Variants in CDH18 observed in about 807,000 individuals in gnomAD.
CDH18 encodes the protein cadherin-18.
A neutral mutation model predicts 67.9 loss-of-function variants in CDH18; 31 were observed. The observed-to-expected ratio is 0.46, with a 90% CI of 0.34 to 0.62. CDH18 has a LOEUF of 0.62. CDH18 is among the 20% of genes least tolerant of loss of function. The pLI is 0.01. For synonymous variants in CDH18, 362 were observed against 347.2 expected (o/e 1.04, Z -0.48); for missense variants, 890 against 975.5 (o/e 0.91, Z 1.17).
In CDH18 at chr5:19,482,406, G is replaced by A. The variant is rs57568927; in HGVS notation, c.1882+895C>T. Reference sequence around the variant, plus strand: ...GCTGGGATTACAGGCGTGAGCCACCGCACCTGGCCAAAAATTATTGTTTTT... The same window carrying A: ...GCTGGGATTACAGGCGTGAGCCACCACACCTGGCCAAAAATTATTGTTTTT... On this transcript the variant is annotated intron_variant, in intron 12 of 12. Transcript: ENST00000382275. Among the ~76,000 whole-genome samples, 953 of 152,128 alleles carry A rather than the reference G, an allele frequency of 6.3e-3. 6 individuals are homozygous for A. Among genetic ancestry groups the A allele is most frequent in the African/African-American group, 0.022 (914 of 41,508 alleles).
chr5:20,484,506 T>C (rs114820403), intron 1 of CDH18, among the ~76,000 whole-genome samples: 6,329 of 152,116 alleles, frequency 0.042, 433 homozygotes, highest in African/African-American at 0.15. Flanking sequence ...CTATTCACCA[T>C]AGCCAAGATT....
At chr5:19,481,458 G>A (rs373085465) in intron 12 of CDH18, among the ~76,000 whole-genome samples, 10 of 152,054 alleles carry the variant, frequency 6.6e-5, no homozygotes, top group Non-Finnish European at 1.2e-4. Context: ...GTACTGTGTC[G>A]AAGGGAGACA....
chr5:20,037,297 T>C (rs1335794996), intron 2 of CDH18, among the ~76,000 whole-genome samples: 1 of 151,994 alleles, frequency 6.6e-6, no homozygotes, highest in African/African-American at 2.4e-5. Flanking sequence ...GGAGCTCTTG[T>C]AAGGCAGGGC....
intron 1 of CDH18, among the ~76,000 whole-genome samples, chr5:20,448,992 A>AAT (rs34431118): frequency 0.038 from 5,684 of 148,710 alleles, 136 homozygotes; most frequent in Admixed American, 0.068. Context: ...CTGTTGCATG[A>AAT]ATATATATAT....
intron 1 of CDH18, among the ~76,000 whole-genome samples, chr5:20,531,505 T>C (rs1756395502): frequency 6.6e-6 from 1 of 152,056 alleles, no homozygotes. Context: ...CCATCAATGA[T>C]AGACTTGATA....
intron 1 of CDH18, among the ~76,000 whole-genome samples, chr5:20,260,552 GC>G: frequency 6.6e-6 from 1 of 152,156 alleles, no homozygotes; most frequent in African/African-American, 2.4e-5. Context: ...GACATATTTT[GC>G]ATTTCAGAAA....
chr5:20,248,727 T>C (rs2126584054), intron 2 of CDH18, among the ~76,000 whole-genome samples: 1 of 152,324 alleles, frequency 6.6e-6, no homozygotes, highest in African/African-American at 2.4e-5. Flanking sequence ...CACTGCTTTG[T>C]ACTTAAAAAT....
intron 2 of CDH18, among the ~76,000 whole-genome samples, chr5:20,183,945 G>A (rs1249272258): frequency 6.6e-6 from 1 of 151,952 alleles, no homozygotes; most frequent in Non-Finnish European, 1.5e-5. Context: ...TTTTATGGTA[G>A]GTAATGAAAG....
At chr5:19,607,246 A>G (rs567351016) in intron 6 of CDH18, among the ~76,000 whole-genome samples, 1 of 151,594 alleles carries the variant, frequency 6.6e-6, no homozygotes, top group Non-Finnish European at 1.5e-5. Context: ...AGAAATAAAT[A>G]GTACCAGGAA....
chr5:20,076,150 A>G (rs750397096), intron 2 of CDH18, among the ~76,000 whole-genome samples: 22 of 152,092 alleles, frequency 1.4e-4, no homozygotes, highest in Non-Finnish European at 2.5e-4. Flanking sequence ...AACAAAATTT[A>G]TTTTTCCATG....
chr5:20,288,900 C>T (rs1013391305), intron 1 of CDH18, among the ~76,000 whole-genome samples: 18 of 151,928 alleles, frequency 1.2e-4, no homozygotes, highest in Non-Finnish European at 2.2e-4. Context: ...TAATTCTTCA[C>T]ATTTCTTAAT....
At chr5:20,519,694 GC>G (rs1273539540) in intron 1 of CDH18, among the ~76,000 whole-genome samples, 1 of 147,842 alleles carries the variant, frequency 6.8e-6, no homozygotes, top group Non-Finnish European at 1.5e-5. Flanking sequence ...GAGATTGTTT[GC>G]GGTTGAAATC....
upstream of CDH18, among the ~76,000 whole-genome samples, chr5:19,988,817 T>C (rs1356806514): frequency 1.3e-5 from 2 of 152,160 alleles, no homozygotes; most frequent in Non-Finnish European, 2.9e-5. Flanking sequence ...GAGATTTCGC[T>C]TGAGTGATGT....
At chr5:20,538,535 G>A (rs1178368298) in intron 1 of CDH18, among the ~76,000 whole-genome samples, 1 of 152,100 alleles carries the variant, frequency 6.6e-6, no homozygotes, top group African/African-American at 2.4e-5. Flanking sequence ...TGGCTTTGTG[G>A]CTGAAAGGCT....
intron 12 of CDH18, among the ~76,000 whole-genome samples, chr5:19,483,078 T>G (rs1579708989): frequency 6.6e-6 from 1 of 152,306 alleles, no homozygotes; most frequent in Non-Finnish European, 1.5e-5. Flanking sequence ...TCAAAAGCTA[T>G]TTCTTTCCGA....
intron 1 of CDH18, among the ~76,000 whole-genome samples, chr5:20,441,487 C>T (rs1388727871): frequency 6.6e-6 from 1 of 150,816 alleles, no homozygotes; most frequent in African/African-American, 2.5e-5. Context: ...CAAAAAACTA[C>T]ACAGAGCAAA....
At chr5:19,528,442 AAAT>A (rs1028390230) in intron 9 of CDH18, among the ~76,000 whole-genome samples, 3 of 151,796 alleles carry the variant, frequency 2.0e-5, no homozygotes, top group African/African-American at 7.2e-5. Flanking sequence ...TCAACATCAA[AAAT>A]AATAATGTTA....
At position 20,494,545 on chromosome 5, in the gene CDH18, A is replaced by T. The variant is rs185123524; in HGVS notation, c.-580+80917T>A. On this transcript the variant is annotated intron_variant, in intron 1 of 14. Transcript: ENST00000507958. The stretch of plus-strand genomic sequence containing the variant: ...AAGTATAAGCACATTGAAAAAAAGA[A>T]AATAACTGTTTTCTCATGAAAAAAG... Among the ~76,000 whole-genome samples the T allele has an allele frequency of 7.9e-5, 12 of 152,318 alleles. No individual in the cohort carries two copies. The East Asian group carries it at 2.3e-3, about 29-fold the overall frequency.
chr5:19,731,732 A>G (rs1157571889), intron 4 of CDH18, among the ~76,000 whole-genome samples: 2 of 152,164 alleles, frequency 1.3e-5, no homozygotes, highest in African/African-American at 2.4e-5. Flanking sequence ...TGTTTTAGAA[A>G]TGGTTTCTTG....
Sources: allele counts gnomAD v4.1 joint callset (sites outside exome capture counted in the v4.1 genomes callset), GRCh38; gene constraint gnomAD v4.1.1; transcripts MANE v1.5; gene names NCBI Gene and HGNC (gene_info 2026-07-23, HGNC 2026-07-21).